Variants in MAPKAP1 observed in about 807,000 individuals in gnomAD.
MAPKAP1 encodes the protein MAPK associated protein 1.
Under a neutral mutation model 65.7 loss-of-function variants are expected in MAPKAP1, and 20 were observed. That is an observed-to-expected ratio of 0.30 (90% CI 0.21 to 0.44). The LOEUF (loss-of-function observed/expected upper bound fraction) is 0.44, where lower values mean the gene tolerates loss of function less well. MAPKAP1 is among the 20% of genes least tolerant of loss of function. The pLI, the probability that MAPKAP1 is intolerant of heterozygous loss-of-function variation, is 1.00. For missense variants in MAPKAP1, 423 were observed against 648.0 expected (o/e 0.65, Z 3.77); for synonymous variants, 222 against 244.3 (o/e 0.91, Z 0.85).
chr9:125,655,382 A>T (rs1834001346), intron 4 of MAPKAP1, among the ~76,000 whole-genome samples: 1 of 152,202 alleles, frequency 6.6e-6, no homozygotes, highest in South Asian at 2.1e-4. Context: ...GGTTGACATG[A>T]TCTTAACTCT....
At chr9:125,690,050 T>C (rs1242381278) in intron 1 of MAPKAP1, among the ~76,000 whole-genome samples, 1 of 152,200 alleles carries the variant, frequency 6.6e-6, no homozygotes, top group Non-Finnish European at 1.5e-5. Context: ...ATTGCGCCAT[T>C]GCACTCCAGC....
intron 1 of MAPKAP1, among the ~76,000 whole-genome samples, chr9:125,697,682 T>C (rs1191464948): frequency 6.6e-6 from 1 of 152,228 alleles, no homozygotes; most frequent in Non-Finnish European, 1.5e-5. Flanking sequence ...CTCTGATTTC[T>C]TTAATAAAGA....
At chr9:125,582,482 C>T (rs1170521938) in intron 5 of MAPKAP1, among the ~76,000 whole-genome samples, 1 of 152,134 alleles carries the variant, frequency 6.6e-6, no homozygotes, top group African/African-American at 2.4e-5. Flanking sequence ...ACTGTCAGTG[C>T]TTTTACAGAT....
chr9:125,626,323 T>C (rs1271664788), intron 4 of MAPKAP1, among the ~76,000 whole-genome samples: 1 of 152,210 alleles, frequency 6.6e-6, no homozygotes, highest in African/African-American at 2.4e-5. Flanking sequence ...GTCAGGGCCC[T>C]GGCTAGCCTT....
chr9:125,624,496 C>T (rs1438073769), intron 4 of MAPKAP1, among the ~76,000 whole-genome samples: 2 of 95,296 alleles, frequency 2.1e-5, no homozygotes, highest in Non-Finnish European at 4.8e-5. Context: ...CGCCTCTGCC[C>T]GGCCGCCCCT....
At chr9:125,482,883 G>A (rs1384671410) in intron 9 of MAPKAP1, among the ~76,000 whole-genome samples, 1 of 152,138 alleles carries the variant, frequency 6.6e-6, no homozygotes, top group Admixed American at 6.5e-5. Context: ...TGCTCACTAG[G>A]CACTTGCTAG....
At chr9:125,657,535 CT>C (rs1834066084) in intron 4 of MAPKAP1, 115 bp downstream of exon 4, 1 of 929,400 alleles carries the variant, frequency 1.1e-6, no homozygotes, top group Non-Finnish European at 1.6e-6. Context: ...CATTCTATAA[CT>C]GTCAACTGAT....
At position 125,509,774 on chromosome 9, in the gene MAPKAP1, G is replaced by A. The variant is rs189625817; in HGVS notation, c.959-3357C>T. On this transcript the variant is annotated intron_variant, in intron 7 of 11. Coordinates refer to ENST00000265960, the MANE Select transcript of MAPKAP1 (RefSeq NM_001006617.3). Reference sequence around the variant, plus strand: ...GCTGCATCAGGAGGAATTTCAGGCCGGTCTCCTTTGCACATTTTTTCCTAC... The same window carrying A: ...GCTGCATCAGGAGGAATTTCAGGCCAGTCTCCTTTGCACATTTTTTCCTAC... Among the ~76,000 whole-genome samples the A allele has an allele frequency of 3.2e-4, 48 of 152,148 alleles. No homozygotes were observed. The Middle Eastern group carries it at 0.014, about 43-fold the overall frequency.
chr9:125,607,298 AC>A (rs1483765831), intron 4 of MAPKAP1, among the ~76,000 whole-genome samples: 2 of 152,132 alleles, frequency 1.3e-5, no homozygotes, highest in Non-Finnish European at 2.9e-5. Flanking sequence ...AATGAACTAC[AC>A]TCCTATCAAA....
chr9:125,666,756 C>A (rs1406825314), intron 3 of MAPKAP1, among the ~76,000 whole-genome samples: 4 of 152,230 alleles, frequency 2.6e-5, no homozygotes, highest in African/African-American at 9.6e-5. Flanking sequence ...GATGGCTGCT[C>A]AGTTTGCCAG....
intron 4 of MAPKAP1, among the ~76,000 whole-genome samples, chr9:125,641,846 A>G (rs1486995126): frequency 1.3e-5 from 2 of 152,164 alleles, no homozygotes; most frequent in Non-Finnish European, 2.9e-5. Flanking sequence ...AGCCTCACCA[A>G]CATGGTGAAA....
chr9:125,563,761 G>C (rs1040134641), intron 5 of MAPKAP1, among the ~76,000 whole-genome samples: 2 of 151,922 alleles, frequency 1.3e-5, no homozygotes, highest in Non-Finnish European at 2.9e-5. Context: ...TTGTCACCCA[G>C]GCTAGAGTGC....
intron 7 of MAPKAP1, among the ~76,000 whole-genome samples, chr9:125,518,012 G>T (rs1236825350): frequency 6.6e-6 from 1 of 152,150 alleles, no homozygotes; most frequent in Non-Finnish European, 1.5e-5. Flanking sequence ...ATAGCAAAAG[G>T]CTCTTTGTTG....
intron 1 of MAPKAP1, among the ~76,000 whole-genome samples, chr9:125,691,596 T>C (rs956895377): frequency 6.6e-6 from 1 of 151,550 alleles, no homozygotes; most frequent in South Asian, 2.1e-4. Context: ...AGGGAGAATA[T>C]GTAAGAAGAA....
intron 7 of MAPKAP1, among the ~76,000 whole-genome samples, chr9:125,515,121 GACAATAAGGTC>G (rs147298301): frequency 0.019 from 2,962 of 152,126 alleles, 154 homozygotes; most frequent in East Asian, 0.15. Flanking sequence ...AAGCTGACAT[GACAATAAGGTC>G]ACACTTTAGC....
intron 4 of MAPKAP1, among the ~76,000 whole-genome samples, chr9:125,646,697 G>A (rs1281567053): frequency 1.3e-5 from 2 of 152,140 alleles, no homozygotes; most frequent in Non-Finnish European, 2.9e-5. Context: ...GGTCATCATG[G>A]TTGAAAAAAG....
At chr9:125,618,709 A>C (rs1049439444) in intron 4 of MAPKAP1, among the ~76,000 whole-genome samples, 1 of 151,972 alleles carries the variant, frequency 6.6e-6, no homozygotes, top group Non-Finnish European at 1.5e-5. Flanking sequence ...TATGTTTTTC[A>C]ATTATGATAA....
chr9:125,676,128 A>C (rs1479669752), intron 1 of MAPKAP1, among the ~76,000 whole-genome samples: 1 of 152,226 alleles, frequency 6.6e-6, no homozygotes, highest in Non-Finnish European at 1.5e-5. Context: ...GCAAGGGTTC[A>C]GAGAAATGGG....
At chr9:125,590,135 T>C (rs762305676) in intron 4 of MAPKAP1, among the ~76,000 whole-genome samples, 3 of 152,194 alleles carry the variant, frequency 2.0e-5, no homozygotes, top group Non-Finnish European at 4.4e-5. Context: ...ACTAAGGAGC[T>C]ATAGGATTCA....
Sources: gnomAD v4.1 joint callset for allele counts (sites outside exome capture counted in the v4.1 genomes callset) on GRCh38, gnomAD v4.1.1 for gene constraint, MANE v1.5 for transcripts, NCBI Gene and HGNC (gene_info 2026-07-23, HGNC 2026-07-21) for gene names.